The following DACH2 variants were observed in gnomAD, a reference collection of about 807,000 sequenced individuals.
DACH2 encodes dachshund homolog 2.
In DACH2, 17 loss-of-function variants were observed where a neutral mutation model predicts 35.8. The ratio of observed to expected loss-of-function variants is 0.48; its 90% CI spans 0.33 to 0.71. DACH2 has a LOEUF of 0.71. Ranked by LOEUF, DACH2 falls within the 30% of genes least tolerant of loss-of-function variation. DACH2 has a pLI of 0.02. For synonymous variants in DACH2, 195 were observed against 177.3 expected (o/e 1.10, Z -0.79); for missense variants, 469 against 472.7 (o/e 0.99, Z 0.07).
At chrX:86,606,066 A>G (rs1455125224) in intron 3 of DACH2, among the ~76,000 whole-genome samples, 2 of 110,585 alleles carry the variant, frequency 1.8e-5, no homozygotes, top group East Asian at 5.7e-4. Flanking sequence ...GTTTCTTGGC[A>G]ATGGTTTGTT....
chrX:86,712,548 A>G (rs957221204), intron 5 of DACH2, among the ~76,000 whole-genome samples: 1 of 110,922 alleles, frequency 9.0e-6, no homozygotes, highest in Non-Finnish European at 1.9e-5. Context: ...GTGTGTGTAC[A>G]CATATATAAT....
At chrX:86,203,380 G>A (rs776385774) in intron 1 of DACH2, among the ~76,000 whole-genome samples, 37 of 111,546 alleles carry the variant, frequency 3.3e-4, no homozygotes, top group Admixed American at 2.9e-4. Context: ...GAATGCTGAT[G>A]CTTAAAAAAG....
rs1006686029 is a variant in DACH2, at chrX:86,277,404, A to G, written c.489-99420A>G. On this transcript the variant is annotated intron_variant, in intron 1 of 11. Coordinates refer to ENST00000373125, the MANE Select transcript of DACH2 (RefSeq NM_053281.3). ...TTGGAATTTGCCATTTGATATTGGA[A>G]TACATTCTTAAATAAATGTGGTTAT... 3.6e-5 allele frequency among the ~76,000 whole-genome samples: 4 copies of G among 111,968 alleles called. No homozygotes were observed. The South Asian group carries it at 1.1e-3, about 31-fold the overall frequency.
At chrX:86,744,514 TA>T (rs2041690986) in intron 7 of DACH2, among the ~76,000 whole-genome samples, 1 of 111,682 alleles carries the variant, frequency 9.0e-6, no homozygotes, top group Admixed American at 9.6e-5. Context: ...ATCATGATTT[TA>T]AAAATGATTT....
chrX:86,260,772 G>T (rs928457387), intron 1 of DACH2, among the ~76,000 whole-genome samples: 1 of 105,754 alleles, frequency 9.5e-6, no homozygotes, highest in Non-Finnish European at 1.9e-5. Flanking sequence ...AGGATACATG[G>T]CTTGCTCTGG....
chrX:86,581,086 A>G (rs1360306560), intron 3 of DACH2, among the ~76,000 whole-genome samples: 1 of 111,760 alleles, frequency 8.9e-6, no homozygotes, highest in Non-Finnish European at 1.9e-5. Context: ...CTTATATTCA[A>G]CATTCTTAAG....
At chrX:86,413,996 T>C (rs747439458) in intron 2 of DACH2, among the ~76,000 whole-genome samples, 71 of 111,679 alleles carry the variant, frequency 6.4e-4, no homozygotes, top group Non-Finnish European at 1.2e-3. Context: ...CTTTTCCCAA[T>C]GCACAGTTAT....
chrX:86,723,420 G>T (rs2041431056), intron 6 of DACH2, among the ~76,000 whole-genome samples: 1 of 108,460 alleles, frequency 9.2e-6, no homozygotes, highest in Admixed American at 9.9e-5. Flanking sequence ...CATGTTTGAA[G>T]TAGGCAGTTA....
chrX:86,727,411 TA>T (rs2041482338), intron 6 of DACH2, among the ~76,000 whole-genome samples: 1 of 112,147 alleles, frequency 8.9e-6, no homozygotes, highest in Admixed American at 9.4e-5. Context: ...GCTATCAAAT[TA>T]TTTTGATATG....
chrX:86,617,936 A>C (rs1175294162), intron 3 of DACH2, among the ~76,000 whole-genome samples: 1 of 112,407 alleles, frequency 8.9e-6, no homozygotes, highest in Admixed American at 9.5e-5. Context: ...AGCAACTTTT[A>C]GTTCTTTTAA....
At chrX:86,229,941 G>T (rs1189021166) in intron 1 of DACH2, among the ~76,000 whole-genome samples, 1 of 110,668 alleles carries the variant, frequency 9.0e-6, no homozygotes, top group Middle Eastern at 4.2e-3. Flanking sequence ...CCTTTTTACT[G>T]ATTTGGATGC....
intron 3 of DACH2, among the ~76,000 whole-genome samples, chrX:86,524,430 T>C (rs2038602543): frequency 8.9e-6 from 1 of 112,232 alleles, no homozygotes; most frequent in African/African-American, 3.2e-5. Flanking sequence ...TATGGTGTTT[T>C]TTATGTCATT....
intron 2 of DACH2, among the ~76,000 whole-genome samples, chrX:86,502,011 T>TTCC (rs1569422509): frequency 0.025 from 2,385 of 95,500 alleles, 30 homozygotes; most frequent in Middle Eastern, 0.066. Flanking sequence ...TCTTTCCTTC[T>TTCC]TTCCTTCCTT....
At chrX:86,245,503 G>A (rs1017905471) in intron 1 of DACH2, among the ~76,000 whole-genome samples, 2 of 111,773 alleles carry the variant, frequency 1.8e-5, no homozygotes, top group African/African-American at 6.5e-5. Context: ...AGGGACCAGA[G>A]AACAAATTCA....
chrX:86,450,009 G>T (rs2037343569), intron 2 of DACH2, among the ~76,000 whole-genome samples: 1 of 111,388 alleles, frequency 9.0e-6, no homozygotes, highest in African/African-American at 3.3e-5. Context: ...ACTCATTAAT[G>T]TATTTTACTT....
At chrX:86,753,587 A>G (rs2041797179) in intron 7 of DACH2, among the ~76,000 whole-genome samples, 1 of 111,395 alleles carries the variant, frequency 9.0e-6, no homozygotes, top group African/African-American at 3.3e-5. Context: ...TATCCGGATC[A>G]TAATTCCAGT....
chrX:86,445,038 C>G (rs1458219968), intron 2 of DACH2, among the ~76,000 whole-genome samples: 1 of 111,043 alleles, frequency 9.0e-6, no homozygotes, highest in Non-Finnish European at 1.9e-5. Flanking sequence ...GACTTTCCCA[C>G]TGTTCTCAAT....
chrX:86,568,779 T>C (rs919879466), intron 3 of DACH2, among the ~76,000 whole-genome samples: 3 of 111,505 alleles, frequency 2.7e-5, no homozygotes, highest in African/African-American at 9.8e-5. Flanking sequence ...TTAATAAACA[T>C]GACCATTCCT....
At chrX:86,610,434 CTTTCT>C (rs2039928392) in intron 3 of DACH2, among the ~76,000 whole-genome samples, 1 of 73,385 alleles carries the variant, frequency 1.4e-5, no homozygotes, top group South Asian at 6.0e-4. Flanking sequence ...TTCTTTCTTT[CTTTCT>C]TTCTTTCTTT....
Sources: allele counts gnomAD v4.1 joint callset (sites outside exome capture counted in the v4.1 genomes callset), GRCh38; gene constraint gnomAD v4.1.1; transcripts MANE v1.5; gene names NCBI Gene and HGNC (gene_info 2026-07-23, HGNC 2026-07-21).